The following CEP250 variants were observed in gnomAD, a reference collection of about 807,000 sequenced individuals.
CEP250 encodes the protein centrosome-associated protein CEP250.
In CEP250, 242 loss-of-function variants were observed where a neutral mutation model predicts 315.7. The observed-to-expected ratio is 0.77, with a 90% CI of 0.69 to 0.85. The LOEUF (loss-of-function observed/expected upper bound fraction) is 0.85. CEP250 is among the 40% of genes least tolerant of loss of function. The pLI is 0.00. For synonymous variants in CEP250, 1,088 were observed against 1,175.0 expected (o/e 0.93, Z 1.51); for missense variants, 2,515 against 2,886.4 (o/e 0.87, Z 2.95).
At chr20:35,461,990 C>T (rs576642338) in intron 3 of CEP250, among the ~76,000 whole-genome samples, 1 of 152,288 alleles carries the variant, frequency 6.6e-6, no homozygotes, top group Non-Finnish European at 1.5e-5. Flanking sequence ...ACACCTTCAG[C>T]GATTCATTCA....
rs753893698 is a variant in CEP250, at chr20:35,500,035, C to T, written c.3778-14C>T. 5 of 1,613,968 alleles carry T rather than the reference C, an allele frequency of 3.1e-6. No individual in the cohort carries two copies. The South Asian group carries it at 5.5e-5, about 18-fold the overall frequency. ...ATGAGGAACTCACGTTTAGCCATGCCCTTCCTTTCCCAGGATGTTCTGAGG... is the reference window on the plus strand; with the variant it reads ...ATGAGGAACTCACGTTTAGCCATGCTCTTCCTTTCCCAGGATGTTCTGAGG... On this transcript the variant is annotated splice_polypyrimidine_tract_variant and intron_variant, in intron 27 of 34. Transcript: ENST00000397527.
chr20:35,499,387 C>T (rs1052465360), intron 27 of CEP250, among the ~76,000 whole-genome samples: 9 of 152,214 alleles, frequency 5.9e-5, no homozygotes, highest in Non-Finnish European at 1.3e-4. Context: ...CCCTAGAAAT[C>T]AGTGACCACT....
chr20:35,472,801 A>G lies in CEP250; in HGVS notation c.1179A>G (p.Ser393=), dbSNP rs763648545. 6.2e-7 allele frequency: 1 copy of G among 1,614,180 alleles called. No homozygotes were observed. Among genetic ancestry groups the G allele is most frequent in the South Asian group, 1.1e-5 (1 of 91,092 alleles). Residue 393 remains serine (S), a synonymous_variant, in exon 12 of 35, where the codon TCA becomes TCG. Transcript: ENST00000397527. ...DADKALTLVR[S]VLTRRRQAVQ... ...ACAAGGCTCTTACTCTGGTGCGTTC[A>G]GTGCTGACTCGGAGACGCCAGGCTG...
rs1013172809 is a variant in CEP250 at position 35,474,004 on chromosome 20, AG to A, written c.1525del (p.Glu509AsnfsTer20). On this transcript the variant is annotated frameshift_variant, in exon 14 of 35. Transcript: ENST00000397527. LOFTEE classifies it high-confidence loss of function. Reference protein sequence around the residue: ...LQGDSAQGQKEEQQEELHLAV... With the variant: ...LQGDSAQGQKXEQQEELHLAV... ...GGGGACTCTGCCCAGGGCCAGAAGG[AG>A]GAACAGCAGGAGGAGCTGCACCTGG... 1.2e-6 allele frequency: 2 copies of A among 1,600,754 alleles called. No homozygotes were observed. The highest frequency in any genetic ancestry group is 1.7e-6 in the Non-Finnish European group (2 of 1,175,492).
In CEP250 at chr20:35,480,153, G is replaced by A; in HGVS notation, c.2586+8G>A. 1 of 1,608,750 alleles carries A rather than the reference G, an allele frequency of 6.2e-7. No homozygotes were observed. Among genetic ancestry groups the A allele is most frequent in the Non-Finnish European group, 8.5e-7 (1 of 1,178,300 alleles). The stretch of plus-strand genomic sequence containing the variant: ...CAGCTCCGGGAGAAATGGGTAAGTG[G>A]TCAATGTGGCCGGGTATGGCCTCCC... On this transcript the variant is annotated splice_region_variant and intron_variant, in intron 20 of 34. Transcript: ENST00000397527.
rs2064426991 is a variant in CEP250 at position 35,515,471 on chromosome 20, G to A, written c.*3845G>A. Reference sequence around the variant, plus strand: ...TGAATTGAGCAGCCACAGAACCTCTGCAGCTCTGGGGCCAGTGGCAGAACT... The same window carrying A: ...TGAATTGAGCAGCCACAGAACCTCTACAGCTCTGGGGCCAGTGGCAGAACT... On this transcript the variant is annotated 3_prime_UTR_variant, in exon 35 of 35. Coordinates refer to ENST00000397527, the MANE Select transcript of CEP250 (RefSeq NM_007186.6). 6.6e-6 allele frequency: 1 copy of A among 152,282 alleles called. No homozygotes were observed. The highest frequency in any genetic ancestry group is 2.1e-4 in the South Asian group (1 of 4,836). 9.4% of individuals were successfully genotyped at this position (152,282 alleles called of 1,614,324 possible).
rs758185653 is a variant in CEP250 at position 35,491,364 on chromosome 20, G to C, written c.2889+18G>C. The C allele has an allele frequency of 1.9e-6, 3 of 1,572,978 alleles. No homozygotes were observed. The highest frequency in any genetic ancestry group is 2.6e-6 in the Non-Finnish European group (3 of 1,159,120). ...AGGAGCAGGTATGGAGGGTGGTCTC[G>C]GGAGTAGGGGAGAAAGGGGCACTCA... On this transcript the variant is annotated intron_variant, in intron 22 of 34. Coordinates refer to ENST00000397527, the MANE Select transcript of CEP250 (RefSeq NM_007186.6).
intron 28 of CEP250, among the ~76,000 whole-genome samples, chr20:35,500,867 G>A (rs892340649): frequency 5.9e-5 from 9 of 152,166 alleles, no homozygotes; most frequent in Non-Finnish European, 1.0e-4. Flanking sequence ...CTGAAAGAAG[G>A]AAATGGCTGG....
Position 35,467,402 on chromosome 20 carries a change from A to G in CEP250, c.698A>G (p.Asn233Ser). The G allele has an allele frequency of 4.3e-6, 7 of 1,614,232 alleles. No homozygotes were observed. The highest frequency in any genetic ancestry group is 1.1e-5 in the South Asian group (1 of 91,092). ...GTGGGAGCACAGTCTCGGGAACCCA[A>G]CGGATCTGGAAGAATGGATGGGCGG... The part of the protein sequence containing the change: ...LTVGAQSREP[N>S]GSGRMDGREP... The change falls in exon 9 of 35, where the codon AAC becomes AGC. Residue 233 changes from asparagine (N) to serine (S), a missense_variant. Physicochemically the swap from Asn to Ser is conservative, Grantham distance 46. Transcript: ENST00000397527.
Position 35,493,586 on chromosome 20 carries a change from C to A in CEP250, c.3033+14C>A. The stretch of plus-strand genomic sequence containing the variant: ...CTGCAGAAGCAGGTCCCCTCCTCCT[C>A]CCCACCAAGTCCCATGGTCCTTCCC... On this transcript the variant is annotated intron_variant, in intron 23 of 34. Transcript: ENST00000397527. 6.6e-7 allele frequency: 1 copy of A among 1,519,470 alleles called. No individual in the cohort carries two copies. Among genetic ancestry groups the A allele is most frequent in the Non-Finnish European group, 8.8e-7 (1 of 1,135,062 alleles). The allele number at this position is 1,519,470 out of a possible 1,614,324, so 94.1% of individuals were successfully genotyped here.
chr20:35,464,759 A>G (rs1368908961), intron 5 of CEP250, among the ~76,000 whole-genome samples: 1 of 151,946 alleles, frequency 6.6e-6, no homozygotes, highest in East Asian at 1.9e-4. Flanking sequence ...CATCTCTACT[A>G]AAAATACAAA....
At chr20:35,469,593 C>A (rs2047231145) in intron 9 of CEP250, among the ~76,000 whole-genome samples, 1 of 152,192 alleles carries the variant, frequency 6.6e-6, no homozygotes, top group South Asian at 2.1e-4. Flanking sequence ...TCAAGCGAGG[C>A]CTGGAAGGGC....
Position 35,504,291 on chromosome 20 carries a change from T to C in CEP250, c.5922T>C (p.His1974=), listed in dbSNP as rs1397022481. 1.0e-5 allele frequency: 16 copies of C among 1,587,782 alleles called. No individual in the cohort carries two copies. The highest frequency in any genetic ancestry group is 1.4e-5 in the Non-Finnish European group (16 of 1,167,530). ...TGCAGGAGGCCCTTGGCAAGGCTCA[T>C]GCTGCCCTGCAGGGGAAAGAGCAGC... ...EALQEALGKA[H]AALQGKEQHL... Residue 1974 remains histidine, a synonymous_variant, in exon 30 of 35, where the codon CAT becomes CAC. Coordinates refer to ENST00000397527, the MANE Select transcript of CEP250 (RefSeq NM_007186.6).
intron 20 of CEP250, 62 bp downstream of exon 20, chr20:35,480,207 T>A: frequency 6.7e-7 from 1 of 1,499,302 alleles, no homozygotes; most frequent in Non-Finnish European, 9.0e-7. Flanking sequence ...TGCTGCCTCT[T>A]GGTCCAGTTA....
rs367904996 is a variant in CEP250, at chr20:35,508,956, G to T, written c.6920G>T (p.Arg2307Leu). The T allele has an allele frequency of 1.3e-6, 2 of 1,554,334 alleles. No individual in the cohort carries two copies. Among genetic ancestry groups the T allele is most frequent in the Non-Finnish European group, 1.7e-6 (2 of 1,148,448 alleles). Residue 2307 changes from arginine to leucine, a missense_variant, in exon 33 of 35, where the codon CGG becomes CTG. By Grantham distance (102) the Arg-to-Leu change is moderately radical. Coordinates refer to ENST00000397527, the MANE Select transcript of CEP250 (RefSeq NM_007186.6). ...RSTLEQVERERRKLKREAMRA... is the reference protein window; with the variant it reads ...RSTLEQVERELRKLKREAMRA... ...GCACCTTGGCAGGTGGAGCGAGAAC[G>T]GAGGAAGCTGAAGAGGGAGGCCATG...
In CEP250 at chr20:35,498,719, A is replaced by T. The variant is rs779294396; in HGVS notation, c.3777+3A>T. 2 of 1,566,062 alleles carry T rather than the reference A, an allele frequency of 1.3e-6. No homozygotes were observed. The highest frequency in any genetic ancestry group is 8.6e-7 in the Non-Finnish European group (1 of 1,163,410). ...TGTGGAAGACTCAACAGACCCGGGTATGTTTCTCTGCTCCCCTTTCCCGAA... is the reference window on the plus strand; with the variant it reads ...TGTGGAAGACTCAACAGACCCGGGTTTGTTTCTCTGCTCCCCTTTCCCGAA... On this transcript the variant is annotated splice_donor_region_variant and intron_variant, in intron 27 of 34. Transcript: ENST00000397527.
intron 34 of CEP250, among the ~76,000 whole-genome samples, 189 bp downstream of exon 34, chr20:35,510,243 GC>G (rs1299814048): frequency 6.6e-6 from 1 of 152,148 alleles, no homozygotes; most frequent in Non-Finnish European, 1.5e-5. Context: ...CATGATCCTG[GC>G]CCCCGACTTC....
chr20:35,465,630 A>G lies in CEP250; in HGVS notation c.244-113A>G, dbSNP rs373777289. On this transcript the variant is annotated intron_variant, in intron 5 of 34. Coordinates refer to ENST00000397527, the MANE Select transcript of CEP250 (RefSeq NM_007186.6). ...TTGAGAATAGAAGCATATTGCTAAC[A>G]AAGGGGAGAAAGAATAAAAAGAAAG... 8 of 709,064 alleles carry G rather than the reference A, an allele frequency of 1.1e-5. No individual in the cohort carries two copies. The African/African-American group carries it at 1.4e-4, about 13-fold the overall frequency. 43.9% of individuals were successfully genotyped at this position (709,064 alleles called of 1,614,324 possible). A position where few individuals can be genotyped will look rare whatever the true frequency, so the allele number is the denominator to read the frequency against.
rs575668907 is a variant in CEP250, at chr20:35,473,420, T to G, written c.1256T>G (p.Leu419Trp). The change falls in exon 13 of 35, where the codon TTG becomes TGG. Residue 419 changes from leucine to tryptophan, a missense_variant. Leu to Trp is a moderately conservative substitution (Grantham distance 61, BLOSUM62 -2). Transcript: ENST00000397527. ...LAGCQEAVNL[L>W]QQQHDQWEEE... Reference sequence around the variant, plus strand: ...GGCTGTCAAGAGGCTGTGAACTTGTTGCAACAGCAGCATGATCAGTGGGAG... The same window carrying G: ...GGCTGTCAAGAGGCTGTGAACTTGTGGCAACAGCAGCATGATCAGTGGGAG... The G allele has an allele frequency of 3.2e-5, 52 of 1,614,180 alleles. No individual in the cohort carries two copies. The highest frequency in any genetic ancestry group is 4.1e-5 in the Non-Finnish European group (48 of 1,180,012).
Sources: gnomAD v4.1 joint callset for allele counts (sites outside exome capture counted in the v4.1 genomes callset) on GRCh38, gnomAD v4.1.1 for gene constraint, MANE v1.5 for transcripts, NCBI Gene and HGNC (gene_info 2026-07-23, HGNC 2026-07-21) for gene names.